EBF1: variants seen among roughly 807,000 people sequenced by gnomAD.
The protein encoded by EBF1 is EBF transcription factor 1, also known as transcription factor COE1.
In EBF1, 10 loss-of-function variants were observed where a neutral mutation model predicts 68.4. The ratio of observed to expected loss-of-function variants is 0.15; its 90% CI spans 0.09 to 0.25. The LOEUF is 0.25. Among genes scored for constraint, EBF1 ranks in the 10% least tolerant of loss-of-function variants. The pLI is 1.00. For synonymous variants in EBF1, 298 were observed against 299.8 expected, an observed-to-expected ratio of 0.99 and a Z score of 0.06; for missense variants, 509 against 794.4, an observed-to-expected ratio of 0.64 and a Z score of 4.32.
chr5:158,845,373 T>C (rs571882541), intron 6 of EBF1, among the ~76,000 whole-genome samples: 10 of 152,188 alleles, frequency 6.6e-5, no homozygotes, highest in Non-Finnish European at 1.5e-4. Flanking sequence ...CCTTAATTAA[T>C]TGGGTGACTT....
intron 10 of EBF1, among the ~76,000 whole-genome samples, chr5:158,738,426 G>T (rs1440703259): frequency 6.6e-6 from 1 of 152,146 alleles, no homozygotes; most frequent in Non-Finnish European, 1.5e-5. Flanking sequence ...AAAGGCATCT[G>T]CAAAAGAAAA....
chr5:159,070,444 CT>C (rs1009317419), intron 6 of EBF1, among the ~76,000 whole-genome samples: 1 of 152,130 alleles, frequency 6.6e-6, no homozygotes, highest in Non-Finnish European at 1.5e-5. Flanking sequence ...GTTAATTCTA[CT>C]TTTTTGATAG....
intron 6 of EBF1, among the ~76,000 whole-genome samples, chr5:159,050,275 C>T: frequency 6.7e-6 from 1 of 148,982 alleles, no homozygotes; most frequent in African/African-American, 2.5e-5. Flanking sequence ...CATTGCTCTT[C>T]CTCTGCCCCT....
At chr5:158,993,428 G>A (rs960098984) in intron 6 of EBF1, among the ~76,000 whole-genome samples, 4 of 152,098 alleles carry the variant, frequency 2.6e-5, no homozygotes, top group African/African-American at 9.7e-5. Flanking sequence ...CTACTGAATC[G>A]ATGGATTATC....
intron 6 of EBF1, among the ~76,000 whole-genome samples, chr5:158,881,733 C>T (rs1291802964): frequency 2.6e-5 from 4 of 152,174 alleles, no homozygotes; most frequent in African/African-American, 9.7e-5. Context: ...AACTGAAGAG[C>T]CTGGGGGATG....
chr5:158,730,770 G>A (rs1178913904), intron 11 of EBF1, among the ~76,000 whole-genome samples: 1 of 152,150 alleles, frequency 6.6e-6, no homozygotes, highest in South Asian at 2.1e-4. Context: ...GTGACCTTGA[G>A]CAAATTATTA....
chr5:158,828,664 A>G (rs1252766344), intron 7 of EBF1, among the ~76,000 whole-genome samples: 1 of 152,202 alleles, frequency 6.6e-6, no homozygotes, highest in Non-Finnish European at 1.5e-5. Context: ...ACTTTGCAAA[A>G]TGTTACTGAG....
At chr5:159,002,318 T>G (rs1264384550) in intron 6 of EBF1, among the ~76,000 whole-genome samples, 1 of 152,202 alleles carries the variant, frequency 6.6e-6, no homozygotes, top group African/African-American at 2.4e-5. Flanking sequence ...CTCCTTTCTA[T>G]TCCTATTCCA....
Position 159,087,307 on chromosome 5 carries a change from CACACACATATATAT to C in EBF1, c.412-2582_412-2569del, listed in dbSNP as rs1375926333. Among the ~76,000 whole-genome samples the C allele has an allele frequency of 9.2e-5, 13 of 141,058 alleles. 1 individual carries two copies. Among genetic ancestry groups the C allele is most frequent in the African/African-American group, 3.2e-4 (12 of 37,626 alleles). The allele number at this position is 141,058 out of a possible 152,430, so 92.5% of individuals were successfully genotyped here. A position where few individuals can be genotyped will look rare whatever the true frequency, so the allele number is the denominator to read the frequency against. ...ATATATATACACATATATATATACA[CACACACATATATAT>C]ACACATATATATATACACACACATA... On this transcript the variant is annotated intron_variant, in intron 4 of 15. Coordinates refer to ENST00000313708, the MANE Select transcript of EBF1 (RefSeq NM_024007.5).
At chr5:158,802,507 T>C (rs1460627336) in intron 8 of EBF1, among the ~76,000 whole-genome samples, 1 of 152,118 alleles carries the variant, frequency 6.6e-6, no homozygotes, top group Non-Finnish European at 1.5e-5. Flanking sequence ...TAACCAGAAC[T>C]CTCTATTAGT....
intron 13 of EBF1, 50 bp from the exon 14 acceptor site, chr5:158,712,383 C>A: frequency 1.3e-6 from 2 of 1,595,466 alleles, no homozygotes; most frequent in Non-Finnish European, 1.7e-6. Context: ...CAGATGGTGG[C>A]AATCCTGGAA....
chr5:158,956,883 G>C (rs1034086403), intron 6 of EBF1, among the ~76,000 whole-genome samples: 3 of 150,686 alleles, frequency 2.0e-5, no homozygotes, highest in Non-Finnish European at 2.9e-5. Flanking sequence ...CTCAGCCTCC[G>C]GAGTAGCTGG....
In EBF1 at chr5:159,004,187, G is replaced by A. The variant is rs138316975; in HGVS notation, c.554+69209C>T. Among the ~76,000 whole-genome samples the A allele has an allele frequency of 3.7e-3, 552 of 150,332 alleles. 3 individuals carry two copies. Among genetic ancestry groups the A allele is most frequent in the African/African-American group, 0.012 (506 of 40,850 alleles). ...AGCTACTTAGGAGGCTGAGGCAGGA[G>A]AATCACTTGAACCCAAAGGCAGAGG... On this transcript the variant is annotated intron_variant, in intron 6 of 15. Coordinates refer to ENST00000313708, the MANE Select transcript of EBF1 (RefSeq NM_024007.5).
chr5:159,022,981 A>G (rs753464549), intron 6 of EBF1, among the ~76,000 whole-genome samples: 10 of 152,218 alleles, frequency 6.6e-5, no homozygotes, highest in Non-Finnish European at 1.5e-4. Context: ...AAATGATTAT[A>G]TTAATATTTC....
chr5:159,062,075 T>C (rs1224560063), intron 6 of EBF1, among the ~76,000 whole-genome samples: 2 of 152,232 alleles, frequency 1.3e-5, no homozygotes, highest in Non-Finnish European at 2.9e-5. Flanking sequence ...GTCTGCGCTA[T>C]CTGCCTTTAA....
chr5:158,898,826 G>A (rs1169646198), intron 6 of EBF1, among the ~76,000 whole-genome samples: 2 of 152,178 alleles, frequency 1.3e-5, no homozygotes, highest in Non-Finnish European at 2.9e-5. Flanking sequence ...CCACGTTACA[G>A]GGCAGTGAAA....
chr5:158,847,813 C>T (rs550910756), intron 6 of EBF1, among the ~76,000 whole-genome samples: 1 of 152,138 alleles, frequency 6.6e-6, no homozygotes, highest in African/African-American at 2.4e-5. Context: ...TACAAGGAAC[C>T]AAATTTCTAC....
At chr5:159,096,852 A>AC in intron 2 of EBF1, 122 bp downstream of exon 2, 3 of 1,290,436 alleles carry the variant, frequency 2.3e-6, no homozygotes, top group Non-Finnish European at 3.1e-6. Context: ...GGCTTGGGGG[A>AC]CCCCCACATA....
chr5:158,979,085 A>G (rs1432075989), intron 6 of EBF1, among the ~76,000 whole-genome samples: 2 of 152,228 alleles, frequency 1.3e-5, no homozygotes, highest in South Asian at 4.1e-4. Flanking sequence ...ATGTTTCAGC[A>G]TAAAGAAATC....
Sources: gnomAD v4.1 joint callset for allele counts (sites outside exome capture counted in the v4.1 genomes callset) on GRCh38, gnomAD v4.1.1 for gene constraint, MANE v1.5 for transcripts, NCBI Gene and HGNC (gene_info 2026-07-23, HGNC 2026-07-21) for gene names.